The following BCAR3 variants were observed in gnomAD, a reference collection of about 807,000 sequenced individuals.
BCAR3 encodes BCAR3 adaptor protein, NSP family member, also known as breast cancer anti-estrogen resistance protein 3.
In BCAR3, 37 loss-of-function variants were observed where a neutral mutation model predicts 80.1. That is an observed-to-expected ratio of 0.46 (90% CI 0.36 to 0.61). The LOEUF is 0.61. Ranked by LOEUF, BCAR3 falls within the 20% of genes least tolerant of loss-of-function variation. The pLI, the probability that BCAR3 is intolerant of heterozygous loss-of-function variation, is 0.00. For synonymous variants in BCAR3, 389 were observed against 418.9 expected, an observed-to-expected ratio of 0.93 and a Z score of 0.87; for missense variants, 978 against 1,068.2, an observed-to-expected ratio of 0.92 and a Z score of 1.18.
At chr1:93,571,401 G>A (rs1673208683) in intron 9 of BCAR3, 1 of 401,826 alleles carries the variant, frequency 2.5e-6, no homozygotes, top group African/African-American at 2.1e-5. Flanking sequence ...TTGAGGCTGA[G>A]GCATGAGAAT....
At chr1:93,825,335 C>T (rs1167734624) in intron 2 of BCAR3, among the ~76,000 whole-genome samples, 1 of 133,024 alleles carries the variant, frequency 7.5e-6, no homozygotes, top group African/African-American at 2.5e-5. Context: ...CCTTGAGATC[C>T]CATCCTACCC....
chr1:93,700,092 C>A (rs900467666), intron 3 of BCAR3, among the ~76,000 whole-genome samples: 4 of 152,238 alleles, frequency 2.6e-5, no homozygotes, highest in Non-Finnish European at 5.9e-5. Flanking sequence ...AGGCTTTTTC[C>A]TCCACCCTGG....
chr1:93,845,502 A>ATATATATATGTCATGTTGTCAAG, intron 2 of BCAR3: 3 of 113,822 alleles, frequency 2.6e-5, no homozygotes, highest in African/African-American at 1.1e-4. Flanking sequence ...ATATATATAT[A>ATATATATATGTCATGTTGTCAAG]AAACTTTGTT....
chr1:93,763,604 C>T (rs549173637), intron 2 of BCAR3, among the ~76,000 whole-genome samples: 2 of 152,324 alleles, frequency 1.3e-5, no homozygotes, highest in African/African-American at 4.8e-5. Flanking sequence ...GAGCAATGCA[C>T]AGTAATTATA....
At chr1:93,826,864 G>C (rs1185712581) in intron 2 of BCAR3, among the ~76,000 whole-genome samples, 2 of 152,090 alleles carry the variant, frequency 1.3e-5, no homozygotes, top group East Asian at 3.9e-4. Flanking sequence ...ACCTGGGAGG[G>C]CAGGGGTTCC....
chr1:93,730,373 G>A (rs779785249), intron 2 of BCAR3, among the ~76,000 whole-genome samples: 4 of 152,096 alleles, frequency 2.6e-5, no homozygotes, highest in Admixed American at 1.3e-4. Flanking sequence ...CAGTGGGTGT[G>A]CAGAGATATC....
At chr1:93,677,796 G>A (rs1040570960) in intron 1 of BCAR3, among the ~76,000 whole-genome samples, 1 of 152,178 alleles carries the variant, frequency 6.6e-6, no homozygotes, top group African/African-American at 2.4e-5. Flanking sequence ...TTTGGTCTAA[G>A]AGGAGGTTAG....
chr1:93,584,137 C>T lies in BCAR3; in HGVS notation c.930-16G>A, dbSNP rs747054046. The T allele has an allele frequency of 8.1e-6, 13 of 1,609,626 alleles. No homozygotes were observed. In the South Asian group the frequency reaches 1.3e-4, roughly 16 times the overall value. On this transcript the variant is annotated splice_polypyrimidine_tract_variant and intron_variant, in intron 5 of 11. Coordinates refer to ENST00000260502, the MANE Select transcript of BCAR3 (RefSeq NM_003567.4). ...TTCTTTGTTTCTGAAGTAAAAGACA[C>T]ATAGGATGGAAATGTGTTACTAACG...
intron 8 of BCAR3, among the ~76,000 whole-genome samples, chr1:93,575,001 G>C (rs567626607): frequency 2.6e-5 from 4 of 152,284 alleles, no homozygotes; most frequent in South Asian, 4.2e-4. Context: ...CATTTTATCT[G>C]CTGTACAGCC....
At position 93,674,882 on chromosome 1, in the gene BCAR3, G is replaced by T; in HGVS notation, c.49C>A (p.His17Asn). The T allele has an allele frequency of 6.3e-7, 1 of 1,575,280 alleles. No homozygotes were observed. Among genetic ancestry groups the T allele is most frequent in the Non-Finnish European group, 8.6e-7 (1 of 1,166,790 alleles). The change falls in exon 2 of 12, where the codon CAC becomes AAC. Residue 17 changes from histidine (H) to asparagine (N), a missense_variant. Physicochemically the swap from His to Asn is moderately conservative, Grantham distance 68. Coordinates refer to ENST00000260502, the MANE Select transcript of BCAR3 (RefSeq NM_003567.4). Reference protein sequence around the residue: ...ASLPRNMPVNHQFPLASSMDL... With the variant: ...ASLPRNMPVNNQFPLASSMDL... ...ATGGATGAGGCCAGGGGGAACTGGT[G>T]ATTCACCGGCATGTTTCTGGGAAGG...
At chr1:93,702,281 T>C (rs1333301845) in intron 3 of BCAR3, among the ~76,000 whole-genome samples, 1 of 152,098 alleles carries the variant, frequency 6.6e-6, no homozygotes, top group Non-Finnish European at 1.5e-5. Flanking sequence ...TGCCTAGGCA[T>C]GGCGGGGAGG....
chr1:93,666,194 A>C (rs1342637845), intron 2 of BCAR3, among the ~76,000 whole-genome samples: 1 of 152,198 alleles, frequency 6.6e-6, no homozygotes, highest in Non-Finnish European at 1.5e-5. Context: ...AGAAAATCTG[A>C]AGTCCTTACC....
chr1:93,681,287 G>A (rs919553870), intron 1 of BCAR3: 3 of 152,082 alleles, frequency 2.0e-5, no homozygotes, highest in Non-Finnish European at 4.4e-5. Flanking sequence ...GATGCCGCTC[G>A]AGTGCCACCG....
chr1:93,783,413 C>A (rs1652830930), intron 2 of BCAR3, among the ~76,000 whole-genome samples: 1 of 152,212 alleles, frequency 6.6e-6, no homozygotes, highest in Non-Finnish European at 1.5e-5. Flanking sequence ...GTTGATAATT[C>A]TTGCCCTAGG....
intron 2 of BCAR3, among the ~76,000 whole-genome samples, chr1:93,790,243 AAAT>A (rs1653094366): frequency 2.0e-5 from 3 of 152,172 alleles, no homozygotes; most frequent in African/African-American, 7.2e-5. Flanking sequence ...TGAAGAAAAG[AAAT>A]AACATATTAT....
rs1672692223 is a variant in BCAR3 at position 93,561,982 on chromosome 1, G to C, written c.*259C>G. The C allele has an allele frequency of 6.4e-6, 2 of 312,228 alleles. No individual in the cohort carries two copies. Among genetic ancestry groups the C allele is most frequent in the Non-Finnish European group, 1.2e-5 (2 of 173,576 alleles). 19.3% of individuals were successfully genotyped at this position (312,228 alleles called of 1,614,324 possible). A position where few individuals can be genotyped will look rare whatever the true frequency, so the allele number is the denominator to read the frequency against. On this transcript the variant is annotated 3_prime_UTR_variant, in exon 12 of 12. Transcript: ENST00000260502. ...AGAAAGCAACCAGCCAACATAGCTA[G>C]GTCTTCTCTTAAATTTGCTGATCAA...
At chr1:93,819,316 G>A (rs149640829) in intron 2 of BCAR3, among the ~76,000 whole-genome samples, 19 of 152,208 alleles carry the variant, frequency 1.2e-4, no homozygotes, top group African/African-American at 4.1e-4. Context: ...CACCCACCTC[G>A]GCCTCCCGAA....
At chr1:93,650,683 T>C (rs558736636) in intron 2 of BCAR3, among the ~76,000 whole-genome samples, 2 of 152,328 alleles carry the variant, frequency 1.3e-5, no homozygotes, top group South Asian at 2.1e-4. Flanking sequence ...TGGGCATATA[T>C]TAAGTGTTAT....
chr1:93,724,099 G>T (rs1395869909), intron 2 of BCAR3, among the ~76,000 whole-genome samples: 4 of 152,156 alleles, frequency 2.6e-5, no homozygotes, highest in African/African-American at 4.8e-5. Flanking sequence ...AAGTAGGGCT[G>T]AGCACTAATC....
Sources: allele counts gnomAD v4.1 joint callset (sites outside exome capture counted in the v4.1 genomes callset), GRCh38; gene constraint gnomAD v4.1.1; transcripts MANE v1.5; gene names NCBI Gene and HGNC (gene_info 2026-07-23, HGNC 2026-07-21).